Variants in BICD1 observed in about 807,000 individuals in gnomAD.
BICD1 encodes BICD cargo adaptor 1.
A neutral mutation model predicts 92.5 loss-of-function variants in BICD1; 35 were observed. The observed-to-expected ratio is 0.38, with a 90% CI of 0.29 to 0.50. The LOEUF is 0.50. Among genes scored for constraint, BICD1 ranks in the 20% least tolerant of loss-of-function variants. The pLI is 0.93. For synonymous variants in BICD1, 429 were observed against 465.1 expected (o/e 0.92, Z 1.00); for missense variants, 950 against 1,189.8 (o/e 0.80, Z 2.97).
intron 9 of BICD1, among the ~76,000 whole-genome samples, chr12:32,374,009 T>G (rs919417430): frequency 1.3e-5 from 2 of 151,140 alleles, no homozygotes; most frequent in Non-Finnish European, 1.5e-5. Flanking sequence ...AGGTCAGGAG[T>G]TCGAGACCAG....
At chr12:32,367,440 G>A (rs1241082136) in intron 8 of BICD1, 3 of 406,214 alleles carry the variant, frequency 7.4e-6, no homozygotes, top group Non-Finnish European at 1.3e-5. Context: ...GAGAAATCTC[G>A]CTACTAATGC....
At chr12:32,128,289 C>G (rs555703672) in intron 1 of BICD1, among the ~76,000 whole-genome samples, 24 of 152,336 alleles carry the variant, frequency 1.6e-4, no homozygotes, top group African/African-American at 5.5e-4. Context: ...AAGTTCTAAT[C>G]TAACAGTTCT....
Position 32,338,941 on chromosome 12 carries a change from G to A in BICD1, c.2726G>A (p.Arg909Gln), listed in dbSNP as rs774882871. 2.4e-5 allele frequency: 39 copies of A among 1,605,218 alleles called. No homozygotes were observed. The highest frequency in any genetic ancestry group is 2.1e-4 in the South Asian group (19 of 89,288). ...ATGAGTGAATTCATCCAAGGGCACC[G>A]GCTCAGCAAGGAAAAAAGGTTAACC... ...PSMSEFIQGH[R>Q]LSKEKRLTVA... The change falls in exon 8 of 10, where the codon CGG (arginine) becomes CAG (glutamine). Residue 909 changes from arginine (R) to glutamine (Q), a missense_variant. Around this residue, in one of 5 missense-constraint regions of BICD1, gnomAD observed 179 missense variants for 186.7 expected, o/e 0.96. Coordinates refer to ENST00000652176, the MANE Select transcript of BICD1 (RefSeq NM_001714.4).
At chr12:32,133,254 G>C (rs898653051) in intron 1 of BICD1, among the ~76,000 whole-genome samples, 2 of 152,092 alleles carry the variant, frequency 1.3e-5, no homozygotes, top group Non-Finnish European at 2.9e-5. Context: ...TTGGGAGGCT[G>C]AGTCAGGTGG....
intron 9 of BICD1, 28 bp downstream of exon 9, chr12:32,367,773 C>T: frequency 6.3e-7 from 1 of 1,592,592 alleles, no homozygotes; most frequent in South Asian, 1.1e-5. Context: ...TTCCCTTCCA[C>T]CCAGCTGCAT....
intron 2 of BICD1, among the ~76,000 whole-genome samples, chr12:32,277,222 C>A (rs1445225567): frequency 6.6e-6 from 1 of 152,100 alleles, no homozygotes; most frequent in African/African-American, 2.4e-5. Flanking sequence ...GTTGAAACCC[C>A]ATGTCTACTA....
intron 1 of BICD1, among the ~76,000 whole-genome samples, chr12:32,179,989 CAAAAAAA>C (rs4001794): frequency 4.1e-5 from 5 of 122,216 alleles, no homozygotes; most frequent in Non-Finnish European, 8.4e-5. Context: ...GACACGCTCT[CAAAAAAA>C]AAAAAAAAAA....
intron 8 of BICD1, among the ~76,000 whole-genome samples, chr12:32,341,395 C>T (rs1359616020): frequency 1.4e-5 from 2 of 146,866 alleles, no homozygotes; most frequent in Admixed American, 6.9e-5. Flanking sequence ...GACAGGGAGG[C>T]GGAAGTTTCA....
intron 2 of BICD1, among the ~76,000 whole-genome samples, chr12:32,249,722 G>A (rs1432148092): frequency 6.8e-6 from 1 of 148,148 alleles, no homozygotes; most frequent in Non-Finnish European, 1.5e-5. Context: ...AATGTATTTC[G>A]TTAATTAGCA....
chr12:32,289,117 C>T (rs1032826666), intron 2 of BICD1, among the ~76,000 whole-genome samples: 4 of 152,062 alleles, frequency 2.6e-5, no homozygotes, highest in African/African-American at 9.7e-5. Context: ...AAAGCTCCTG[C>T]GGCCAGAGCC....
chr12:32,359,051 G>A (rs966347084), intron 8 of BICD1, among the ~76,000 whole-genome samples: 1 of 152,140 alleles, frequency 6.6e-6, no homozygotes, highest in African/African-American at 2.4e-5. Context: ...CCTCCCATAA[G>A]GACTAAAAGA....
At chr12:32,267,035 C>A (rs972533199) in intron 2 of BICD1, among the ~76,000 whole-genome samples, 7 of 152,180 alleles carry the variant, frequency 4.6e-5, no homozygotes, top group African/African-American at 1.4e-4. Flanking sequence ...TTCCATGGTG[C>A]CAGCACAGGA....
chr12:32,158,095 GT>G (rs555722768), intron 1 of BICD1, among the ~76,000 whole-genome samples: 11 of 143,582 alleles, frequency 7.7e-5, no homozygotes, highest in East Asian at 4.2e-4. Flanking sequence ...GAGCCTAGGG[GT>G]TTTTTTTTTC....
chr12:32,116,506 CTCTCTA>C (rs1941916038), intron 1 of BICD1, among the ~76,000 whole-genome samples: 112 of 86,906 alleles, frequency 1.3e-3, no homozygotes, highest in African/African-American at 4.6e-3. Context: ...CTCTCTCTCT[CTCTCTA>C]TATATATATA....
chr12:32,288,263 A>T (rs1947632256), intron 2 of BICD1, among the ~76,000 whole-genome samples: 1 of 122,710 alleles, frequency 8.1e-6, no homozygotes, highest in African/African-American at 3.3e-5. Flanking sequence ...ACAGGGTCTC[A>T]CTCTGTAGCC....
intron 8 of BICD1, among the ~76,000 whole-genome samples, chr12:32,342,261 TC>T (rs1416542617): frequency 1.4e-5 from 2 of 146,748 alleles, no homozygotes; most frequent in Non-Finnish European, 3.0e-5. Context: ...TGTTTTTTTT[TC>T]TTTTTTTTTT....
rs34771538 is a variant in BICD1, at chr12:32,132,415, C to CAA, written c.213+24887_213+24888dup. Among the ~76,000 whole-genome samples, 374 of 109,274 alleles carry CAA rather than the reference C, an allele frequency of 3.4e-3. 1 individual carries two copies. Among genetic ancestry groups the CAA allele is most frequent in the African/African-American group, 0.013 (299 of 23,710 alleles). 71.7% of individuals were successfully genotyped at this position (109,274 alleles called of 152,430 possible). A position where few individuals can be genotyped will look rare whatever the true frequency, so the allele number is the denominator to read the frequency against. On this transcript the variant is annotated intron_variant, in intron 1 of 9. Coordinates refer to ENST00000652176, the MANE Select transcript of BICD1 (RefSeq NM_001714.4). Reference sequence around the variant, plus strand: ...TAGGCGACAGAGCGAGACTCTGTCTCAAAAAAAAAAAAAAAAAGATCTTGA... The same window carrying CAA: ...TAGGCGACAGAGCGAGACTCTGTCTCAAAAAAAAAAAAAAAAAAAGATCTTGA...
intron 2 of BICD1, among the ~76,000 whole-genome samples, chr12:32,275,895 C>T (rs1947261726): frequency 6.6e-6 from 1 of 152,138 alleles, no homozygotes; most frequent in Non-Finnish European, 1.5e-5. Flanking sequence ...TCTAATAGCT[C>T]ATCGCATGGC....
At chr12:32,216,790 A>C (rs1287620768) in intron 2 of BICD1, among the ~76,000 whole-genome samples, 1 of 152,190 alleles carries the variant, frequency 6.6e-6, no homozygotes, top group African/African-American at 2.4e-5. Context: ...TACAATGTGG[A>C]GAAGAACGGT....
Sources: allele counts gnomAD v4.1 joint callset (sites outside exome capture counted in the v4.1 genomes callset), GRCh38; gene constraint gnomAD v4.1.1; regional missense constraint gnomAD v4.1.1; transcripts MANE v1.5; gene names NCBI Gene and HGNC (gene_info 2026-07-23, HGNC 2026-07-21).